Variants in CBFA2T2 observed in about 807,000 individuals in gnomAD.
CBFA2T2 encodes the protein protein CBFA2T2.
In CBFA2T2, 11 loss-of-function variants were observed where a neutral mutation model predicts 62.2. The ratio of observed to expected loss-of-function variants is 0.18; its 90% CI spans 0.11 to 0.29. The LOEUF is 0.29. CBFA2T2 is among the 10% of genes least tolerant of loss of function. The pLI is 1.00. For synonymous variants in CBFA2T2, 295 were observed against 287.5 expected, an observed-to-expected ratio of 1.03 and a Z score of -0.27; for missense variants, 592 against 774.1, an observed-to-expected ratio of 0.76 and a Z score of 2.79.
chr20:33,497,646 T>G (rs2011218305), intron 1 of CBFA2T2, among the ~76,000 whole-genome samples: 2 of 148,712 alleles, frequency 1.3e-5, no homozygotes, highest in African/African-American at 2.5e-5. Context: ...GCCTCCCGGG[T>G]TCCAGCGATT....
chr20:33,553,118 G>C (rs904494119), intron 1 of CBFA2T2, among the ~76,000 whole-genome samples: 5 of 152,202 alleles, frequency 3.3e-5, no homozygotes, highest in Non-Finnish European at 7.3e-5. Flanking sequence ...TGAGAGCAGA[G>C]ACTATTTTTC....
chr20:33,582,198 C>G (rs905974578), intron 1 of CBFA2T2, among the ~76,000 whole-genome samples: 2 of 152,026 alleles, frequency 1.3e-5, no homozygotes, highest in Admixed American at 6.6e-5. Flanking sequence ...TGATGTTGAT[C>G]AAATGAATCA....
intron 1 of CBFA2T2, among the ~76,000 whole-genome samples, chr20:33,512,302 G>A (rs1217785879): frequency 6.6e-6 from 1 of 152,074 alleles, no homozygotes; most frequent in Non-Finnish European, 1.5e-5. Flanking sequence ...AGTGAACCAA[G>A]ATGGGGCTAC....
intron 9 of CBFA2T2, chr20:33,639,450 T>A (rs1350043572): frequency 1.3e-5 from 2 of 152,166 alleles, no homozygotes; most frequent in East Asian, 1.9e-4. Flanking sequence ...GGCGGGCACC[T>A]GTAGTCCCAG....
At chr20:33,530,330 C>T (rs2012020900) in intron 1 of CBFA2T2, among the ~76,000 whole-genome samples, 1 of 152,210 alleles carries the variant, frequency 6.6e-6, no homozygotes, top group Non-Finnish European at 1.5e-5. Flanking sequence ...ACCTCACTGT[C>T]ATAATGAGAG....
intron 1 of CBFA2T2, among the ~76,000 whole-genome samples, chr20:33,503,873 A>G (rs895327240): frequency 2.0e-5 from 3 of 151,466 alleles, no homozygotes; most frequent in African/African-American, 7.3e-5. Context: ...GTCAGTGGGT[A>G]GAGAAAAAAA....
At chr20:33,549,128 T>G (rs2012661657) in intron 1 of CBFA2T2, among the ~76,000 whole-genome samples, 1 of 152,190 alleles carries the variant, frequency 6.6e-6, no homozygotes, top group African/African-American at 2.4e-5. Context: ...GATATTAATA[T>G]TAGTTGACAA....
chr20:33,611,470 T>C (rs1188269254), intron 3 of CBFA2T2, 135 bp downstream of exon 3: 7 of 982,904 alleles, frequency 7.1e-6, no homozygotes, highest in Non-Finnish European at 3.0e-6. Flanking sequence ...GACTAGTTAT[T>C]GAATAACTTG....
chr20:33,596,433 C>G (rs1292240377), intron 1 of CBFA2T2, among the ~76,000 whole-genome samples: 1 of 152,172 alleles, frequency 6.6e-6, no homozygotes, highest in Non-Finnish European at 1.5e-5. Context: ...ATAACCTAAA[C>G]AGCTAGCATG....
intron 1 of CBFA2T2, among the ~76,000 whole-genome samples, chr20:33,494,301 A>G (rs1310046000): frequency 2.5e-4 from 1 of 3,988 alleles, no homozygotes; most frequent in Non-Finnish European, 4.8e-4. Flanking sequence ...TTTTTTTTTG[A>G]GACAGAGTCT....
At chr20:33,539,404 ATC>A (rs1470248681) in intron 1 of CBFA2T2, among the ~76,000 whole-genome samples, 3 of 152,194 alleles carry the variant, frequency 2.0e-5, no homozygotes, top group Non-Finnish European at 4.4e-5. Flanking sequence ...CTGTTCTCCA[ATC>A]TCTTTTCAGG....
intron 1 of CBFA2T2, among the ~76,000 whole-genome samples, chr20:33,550,748 A>G (rs1024555977): frequency 6.6e-6 from 1 of 151,946 alleles, no homozygotes; most frequent in African/African-American, 2.4e-5. Context: ...CAGCTTCCCT[A>G]GTAGCTGGGA....
intron 9 of CBFA2T2, chr20:33,638,724 T>TA (rs1211916379): frequency 6.6e-6 from 1 of 152,204 alleles, no homozygotes; most frequent in African/African-American, 2.4e-5. Context: ...CCTGTGGACT[T>TA]ACGTAGGGAG....
chr20:33,562,409 C>T (rs2013117809), intron 1 of CBFA2T2: 3 of 985,770 alleles, frequency 3.0e-6, no homozygotes, highest in African/African-American at 3.5e-5. Context: ...GGGATTCTGG[C>T]AAGGTGAAGA....
intron 1 of CBFA2T2, among the ~76,000 whole-genome samples, chr20:33,521,823 CGTGTGTGTGT>C (rs111558647): frequency 2.0e-5 from 3 of 148,386 alleles, no homozygotes; most frequent in Admixed American, 6.8e-5. Context: ...ATTTGAGCTG[CGTGTGTGTGT>C]GTGTGTGTGT....
chr20:33,539,088 T>G (rs927178394), intron 1 of CBFA2T2, among the ~76,000 whole-genome samples: 1 of 152,170 alleles, frequency 6.6e-6, no homozygotes, highest in African/African-American at 2.4e-5. Context: ...AAAATTATAG[T>G]TGGGGAGAGA....
chr20:33,589,116 A>C (rs2014503878), intron 1 of CBFA2T2, among the ~76,000 whole-genome samples: 1 of 152,228 alleles, frequency 6.6e-6, no homozygotes, highest in African/African-American at 2.4e-5. Flanking sequence ...TATACATGCA[A>C]AATGTGGCTT....
chr20:33,625,612 T>C (rs2016192644), intron 6 of CBFA2T2, among the ~76,000 whole-genome samples: 1 of 152,244 alleles, frequency 6.6e-6, no homozygotes, highest in Non-Finnish European at 1.5e-5. Context: ...TGTGCTCCTT[T>C]TGCAGCTCTT....
chr20:33,531,603 A>G (rs1359627698), intron 1 of CBFA2T2, among the ~76,000 whole-genome samples: 1 of 152,262 alleles, frequency 6.6e-6, no homozygotes. Context: ...ACAAAAGCAC[A>G]CAATCACAAA....
Sources: allele counts gnomAD v4.1 joint callset (sites outside exome capture counted in the v4.1 genomes callset), GRCh38; gene constraint gnomAD v4.1.1; transcripts MANE v1.5; gene names NCBI Gene and HGNC (gene_info 2026-07-23, HGNC 2026-07-21).